The following TMEM178B variants were observed in gnomAD, a reference collection of about 807,000 sequenced individuals.
The protein encoded by TMEM178B is transmembrane protein 178B.
TMEM178B carries 5 observed loss-of-function variants against 31.0 expected under a neutral mutation model. That is an observed-to-expected ratio of 0.16 (90% CI 0.08 to 0.34). The LOEUF is 0.34. Among genes scored for constraint, TMEM178B ranks in the 10% least tolerant of loss-of-function variants. The pLI, the probability that TMEM178B is intolerant of heterozygous loss-of-function variation, is 1.00. For missense variants in TMEM178B, 275 were observed against 400.3 expected, an observed-to-expected ratio of 0.69 and a Z score of 2.67; for synonymous variants, 164 against 164.0, an observed-to-expected ratio of 1.00 and a Z score of 0.00.
In TMEM178B at chr7:141,173,810, C is replaced by G. The variant is rs1460831709; in HGVS notation, c.383-38781C>G. Among the ~76,000 whole-genome samples the G allele has an allele frequency of 2.6e-5, 4 of 152,184 alleles. No individual in the cohort carries two copies. The East Asian group carries it at 7.7e-4, about 29-fold the overall frequency. On this transcript the variant is annotated intron_variant, in intron 1 of 3. Coordinates refer to ENST00000565468, the MANE Select transcript of TMEM178B (RefSeq NM_001195278.2). ...AGTCTCTGGACTCTTCAAAGTAACC[C>G]CTTCTCCTTTCTTTTGACTCAACTC...
At chr7:141,357,087 C>T (rs1799833263) in intron 2 of TMEM178B, among the ~76,000 whole-genome samples, 1 of 152,144 alleles carries the variant, frequency 6.6e-6, no homozygotes, top group Non-Finnish European at 1.5e-5. Context: ...TGGTTCAGAA[C>T]CACCATCTCC....
chr7:141,436,635 G>C (rs528701649), intron 2 of TMEM178B, among the ~76,000 whole-genome samples: 27 of 152,176 alleles, frequency 1.8e-4, no homozygotes, highest in African/African-American at 6.3e-4. Flanking sequence ...GGAGCTGGTG[G>C]GGGCTGGGGT....
chr7:141,478,745 C>G lies in TMEM178B; in HGVS notation c.*7959C>G, dbSNP rs1802418167. 1 of 152,168 alleles carries G rather than the reference C, an allele frequency of 6.6e-6. No individual in the cohort carries two copies. The highest frequency in any genetic ancestry group is 6.5e-5 in the Admixed American group (1 of 15,276). The allele number at this position is 152,168 out of a possible 1,614,324, so 9.4% of individuals were successfully genotyped here. On this transcript the variant is annotated 3_prime_UTR_variant, in exon 4 of 4. Transcript: ENST00000565468. ...TTTTCCTCTTAGAAAACATCTCAGT[C>G]TGGCCCAGCCCTATTTCCAGTGTTC...
chr7:141,307,518 G>A (rs772565194), intron 2 of TMEM178B, among the ~76,000 whole-genome samples: 10 of 152,182 alleles, frequency 6.6e-5, no homozygotes, highest in Non-Finnish European at 2.9e-5. Flanking sequence ...GCCAACAGGA[G>A]GCTCCCATCA....
At chr7:141,285,177 T>TTTTTTTC (rs1233859035) in intron 2 of TMEM178B, among the ~76,000 whole-genome samples, 1 of 140,170 alleles carries the variant, frequency 7.1e-6, no homozygotes, top group Non-Finnish European at 1.5e-5. Context: ...TTTTTTTTTT[T>TTTTTTTC]TGAGACGTAG....
At chr7:141,494,022 T>C in the TMEM178B span, among the ~76,000 whole-genome samples, 2 of 152,336 alleles carry the variant, frequency 1.3e-5, no homozygotes, top group East Asian at 3.9e-4. Flanking sequence ...ATCTTACTTC[T>C]TTCTTCCTTT....
At chr7:141,316,294 T>A (rs1799004457) in intron 2 of TMEM178B, among the ~76,000 whole-genome samples, 1 of 152,172 alleles carries the variant, frequency 6.6e-6, no homozygotes, top group Admixed American at 6.5e-5. Flanking sequence ...GAGGGGGAAA[T>A]TGATATTCAT....
At chr7:141,489,139 A>G in the TMEM178B span, among the ~76,000 whole-genome samples, 1 of 152,208 alleles carries the variant, frequency 6.6e-6, no homozygotes, top group Non-Finnish European at 1.5e-5. Context: ...ACTGGCTTGT[A>G]AAAATCAGGG....
At chr7:141,333,724 G>A (rs1179770800) in intron 2 of TMEM178B, among the ~76,000 whole-genome samples, 1 of 152,200 alleles carries the variant, frequency 6.6e-6, no homozygotes, top group Non-Finnish European at 1.5e-5. Context: ...ATCAGGAACT[G>A]GTTTCATGGA....
chr7:141,335,966 G>C (rs576890745), intron 2 of TMEM178B, among the ~76,000 whole-genome samples: 2 of 152,164 alleles, frequency 1.3e-5, no homozygotes, highest in Non-Finnish European at 2.9e-5. Flanking sequence ...TTTAAAGAAG[G>C]CTTTATGCTT....
In TMEM178B at chr7:141,470,626, A is replaced by G. The variant is rs1199998853; in HGVS notation, c.725A>G (p.Asp242Gly). The stretch of plus-strand genomic sequence containing the variant: ...CCACGCTACCTGTACGGACTCCCTG[A>G]TGACATCAGCCATGGCTATGGCTGG... ...RYPRYLYGLP[D>G]DISHGYGWSM... is the part of the protein sequence containing the mutation. Residue 242 changes from aspartate to glycine, a missense_variant, in exon 4 of 4, where the codon GAT becomes GGT. Transcript: ENST00000565468. 2.6e-6 allele frequency: 4 copies of G among 1,535,300 alleles called. No individual in the cohort carries two copies. Among genetic ancestry groups the G allele is most frequent in the Non-Finnish European group, 3.5e-6 (4 of 1,146,692 alleles).
At chr7:141,206,671 C>G (rs1043160260) in intron 1 of TMEM178B, among the ~76,000 whole-genome samples, 9 of 152,158 alleles carry the variant, frequency 5.9e-5, no homozygotes, top group African/African-American at 2.2e-4. Flanking sequence ...CCCTCCAGGC[C>G]TTGGGGTCAT....
At chr7:141,412,175 T>G (rs1032495696) in intron 2 of TMEM178B, among the ~76,000 whole-genome samples, 13 of 152,182 alleles carry the variant, frequency 8.5e-5, no homozygotes, top group Admixed American at 5.2e-4. Context: ...CTCTGAAGCA[T>G]AAGGTCATTA....
chr7:141,214,592 T>C (rs2129188152), intron 2 of TMEM178B, among the ~76,000 whole-genome samples: 1 of 152,348 alleles, frequency 6.6e-6, no homozygotes, highest in South Asian at 2.1e-4. Context: ...AGAACTCTTT[T>C]GACTGCACAC....
intron 1 of TMEM178B, among the ~76,000 whole-genome samples, chr7:141,107,806 G>A (rs1795170185): frequency 6.6e-6 from 1 of 152,202 alleles, no homozygotes. Flanking sequence ...GCTATAATTA[G>A]ATGAGATCAC....
chr7:141,349,755 G>A (rs902363353), intron 2 of TMEM178B, among the ~76,000 whole-genome samples: 12 of 152,156 alleles, frequency 7.9e-5, no homozygotes, highest in African/African-American at 2.9e-4. Context: ...CAGTGTCAAG[G>A]CCTTTTAATT....
chr7:141,090,737 G>T (rs1178569199), intron 1 of TMEM178B, among the ~76,000 whole-genome samples: 3 of 152,200 alleles, frequency 2.0e-5, no homozygotes, highest in African/African-American at 7.2e-5. Context: ...CCCATAGGGG[G>T]ATTCAGGGAC....
intron 2 of TMEM178B, among the ~76,000 whole-genome samples, chr7:141,245,562 C>A (rs1022027252): frequency 3.3e-5 from 5 of 152,212 alleles, no homozygotes; most frequent in African/African-American, 1.2e-4. Context: ...TCACCGAGGT[C>A]TTAGAACTGT....
At chr7:141,092,198 C>T (rs1435523746) in intron 1 of TMEM178B, among the ~76,000 whole-genome samples, 1 of 151,988 alleles carries the variant, frequency 6.6e-6, no homozygotes, top group South Asian at 2.1e-4. Flanking sequence ...TCTTGGTTAC[C>T]CTACCAATTT....
Sources: allele counts gnomAD v4.1 joint callset (sites outside exome capture counted in the v4.1 genomes callset), GRCh38; gene constraint gnomAD v4.1.1; transcripts MANE v1.5; gene names NCBI Gene and HGNC (gene_info 2026-07-23, HGNC 2026-07-21).